EML1: variants seen among roughly 807,000 people sequenced by gnomAD.
EML1 encodes EMAP like 1, also known as echinoderm microtubule-associated protein-like 1.
A neutral mutation model predicts 110.4 loss-of-function variants in EML1; 27 were observed. That is an observed-to-expected ratio of 0.24 (90% CI 0.18 to 0.34). EML1 has a LOEUF of 0.34. EML1 is among the 10% of genes least tolerant of loss of function. The pLI, the probability that EML1 is intolerant of heterozygous loss-of-function variation, is 1.00. For missense variants in EML1, 741 were observed against 1,030.9 expected (o/e 0.72, Z 3.85); for synonymous variants, 344 against 385.8 (o/e 0.89, Z 1.27).
At chr14:99,901,890 C>T (rs1297859088) in intron 9 of EML1, among the ~76,000 whole-genome samples, 1 of 152,182 alleles carries the variant, frequency 6.6e-6, no homozygotes, top group Non-Finnish European at 1.5e-5. Context: ...TTTTCCCCAG[C>T]CCCTATTCAA....
At chr14:99,737,779 G>A (rs2056986203) in exon 1 of EML1, 4 of 1,288,474 alleles carry the variant, frequency 3.1e-6, no homozygotes, top group South Asian at 1.2e-5. Context: ...CAGCCGCTGA[G>A]GCTCTGAGTG....
intron 1 of EML1, among the ~76,000 whole-genome samples, chr14:99,777,238 G>A (rs1000716947): frequency 1.3e-5 from 2 of 150,382 alleles, no homozygotes; most frequent in African/African-American, 5.0e-5. Flanking sequence ...GTTACAGACT[G>A]CACGTACTTA....
chr14:99,751,338 G>A (rs796843951), intron 1 of EML1, among the ~76,000 whole-genome samples: 1 of 152,150 alleles, frequency 6.6e-6, no homozygotes, highest in Non-Finnish European at 1.5e-5. Flanking sequence ...GTAACAAGGG[G>A]CCACTGCATG....
chr14:99,897,945 G>A (rs1012164846), intron 7 of EML1, among the ~76,000 whole-genome samples: 1 of 152,152 alleles, frequency 6.6e-6, no homozygotes, highest in African/African-American at 2.4e-5. Context: ...TTTTAATAAA[G>A]ATTGTAGACT....
chr14:99,933,587 G>A (rs1170862254), intron 17 of EML1, among the ~76,000 whole-genome samples: 1 of 152,238 alleles, frequency 6.6e-6, no homozygotes, highest in Non-Finnish European at 1.5e-5. Flanking sequence ...CGGAGGGGCA[G>A]TGCCCCTGGA....
intron 5 of EML1, among the ~76,000 whole-genome samples, chr14:99,893,254 G>C (rs554111728): frequency 5.1e-4 from 18 of 35,108 alleles, no homozygotes; most frequent in African/African-American, 3.7e-4. Context: ...ATGGAGGAAG[G>C]GCTCCGTAAA....
chr14:99,937,373 A>C (rs1472082191), intron 19 of EML1, among the ~76,000 whole-genome samples: 1 of 152,134 alleles, frequency 6.6e-6, no homozygotes, highest in Non-Finnish European at 1.5e-5. Flanking sequence ...TGGGGAACAC[A>C]CAAGTCCCCT....
chr14:99,803,662 A>G (rs2057921301), intron 1 of EML1, among the ~76,000 whole-genome samples: 1 of 152,230 alleles, frequency 6.6e-6, no homozygotes. Flanking sequence ...CTGGCTTAAA[A>G]CAAATTATTT....
chr14:99,757,470 G>GCCTC (rs1306810525), intron 1 of EML1, among the ~76,000 whole-genome samples: 1 of 152,176 alleles, frequency 6.6e-6, no homozygotes, highest in Non-Finnish European at 1.5e-5. Context: ...ACATCTAGGA[G>GCCTC]CCTCGTGGAT....
At chr14:99,850,824 A>C in intron 1 of EML1, 29 bp from the exon 2 acceptor site, 1 of 1,605,570 alleles carries the variant, frequency 6.2e-7, no homozygotes, top group Non-Finnish European at 8.5e-7. Context: ...GGAACACTTA[A>C]AGCTCACTTG....
intron 2 of EML1, among the ~76,000 whole-genome samples, chr14:99,856,016 G>A (rs867213038): frequency 7.2e-5 from 11 of 152,216 alleles, no homozygotes; most frequent in Non-Finnish European, 7.3e-5. Flanking sequence ...ACCATGTATT[G>A]ATTGACTAAG....
chr14:99,798,772 A>G (rs536705802), intron 1 of EML1, among the ~76,000 whole-genome samples: 4 of 152,320 alleles, frequency 2.6e-5, no homozygotes, highest in South Asian at 2.1e-4. Context: ...CTGATTTTCA[A>G]GTAAAATTCT....
At chr14:99,747,056 C>T (rs2057117649) in intron 1 of EML1, among the ~76,000 whole-genome samples, 1 of 151,990 alleles carries the variant, frequency 6.6e-6, no homozygotes, top group Non-Finnish European at 1.5e-5. Context: ...AACCACCACC[C>T]GGGCACCTGT....
At position 99,895,320 on chromosome 14, in the gene EML1, C is replaced by CA. The variant is rs554819453; in HGVS notation, c.677+563dup. 1.8e-3 allele frequency among the ~76,000 whole-genome samples: 269 copies of CA among 152,216 alleles called. 1 individual carries two copies. The highest frequency in any genetic ancestry group is 6.1e-3 in the African/African-American group (255 of 41,516). ...CTGGACTCAAGCAATCTGCTCGTCT[C>CA]AGCTTCCCAAAGTGCTGGGATTATA... On this transcript the variant is annotated intron_variant, in intron 6 of 21. Transcript: ENST00000262233.
In EML1 at chr14:99,940,143, G is replaced by A; in HGVS notation, c.*31G>A. 3 of 1,492,216 alleles carry A rather than the reference G, an allele frequency of 2.0e-6. No homozygotes were observed. Among genetic ancestry groups the A allele is most frequent in the Non-Finnish European group, 2.7e-6 (3 of 1,119,474 alleles). The allele number at this position is 1,492,216 out of a possible 1,614,324, so 92.4% of individuals were successfully genotyped here. A position where few individuals can be genotyped will look rare whatever the true frequency, so the allele number is the denominator to read the frequency against. On this transcript the variant is annotated 3_prime_UTR_variant, in exon 22 of 22. Coordinates refer to ENST00000262233, the MANE Select transcript of EML1 (RefSeq NM_004434.3). ...ACCGAGAGCTGTGGGGAGCAGCATGGGCAAGGAAGACACAGACTCGCATTA... is the reference window on the plus strand; with the variant it reads ...ACCGAGAGCTGTGGGGAGCAGCATGAGCAAGGAAGACACAGACTCGCATTA...
chr14:99,746,635 A>G (rs922352414), intron 1 of EML1, among the ~76,000 whole-genome samples: 1 of 152,088 alleles, frequency 6.6e-6, no homozygotes, highest in Non-Finnish European at 1.5e-5. Flanking sequence ...GACAACAGCC[A>G]AAGCCTGGTG....
At position 99,914,265 on chromosome 14, in the gene EML1, G is replaced by C. The variant is rs2059995912; in HGVS notation, c.1581G>C (p.Leu527=). ...ILIGTTRNFV[L]QGTLSGDFTP... ...TTGGCACAACTCGAAACTTTGTCCT[G>C]CAGGGCACTCTGTCAGGGGACTTCA... The change falls in exon 14 of 22, where the codon CTG becomes CTC. Residue 527 remains leucine, a synonymous_variant. Coordinates refer to ENST00000262233, the MANE Select transcript of EML1 (RefSeq NM_004434.3). 4 of 1,613,932 alleles carry C rather than the reference G, an allele frequency of 2.5e-6. No individual in the cohort carries two copies. The East Asian group carries it at 8.9e-5, about 36-fold the overall frequency.
At chr14:99,887,182 C>A (rs149944718) in intron 4 of EML1, among the ~76,000 whole-genome samples, 1 of 152,198 alleles carries the variant, frequency 6.6e-6, no homozygotes, top group Non-Finnish European at 1.5e-5. Flanking sequence ...TGTACCTCAT[C>A]CTCCGTTGAG....
At chr14:99,886,632 G>A (rs568491834) in intron 4 of EML1, among the ~76,000 whole-genome samples, 5 of 152,302 alleles carry the variant, frequency 3.3e-5, no homozygotes, top group African/African-American at 4.8e-5. Context: ...CAAACAGCAC[G>A]TGGCTCCTAT....
Sources: allele counts gnomAD v4.1 joint callset (sites outside exome capture counted in the v4.1 genomes callset), GRCh38; gene constraint gnomAD v4.1.1; transcripts MANE v1.5; gene names NCBI Gene and HGNC (gene_info 2026-07-23, HGNC 2026-07-21).